The following ZNF609 variants were observed in gnomAD, a reference collection of about 807,000 sequenced individuals.
ZNF609 encodes the protein zinc finger protein 609.
A neutral mutation model predicts 109.5 loss-of-function variants in ZNF609; 11 were observed. The ratio of observed to expected loss-of-function variants is 0.10; its 90% confidence interval spans 0.06 to 0.17. The LOEUF (loss-of-function observed/expected upper bound fraction) is 0.17. Ranked by LOEUF, ZNF609 falls within the 10% of genes least tolerant of loss-of-function variation. The pLI is 1.00. For missense variants in ZNF609, 1,559 were observed against 1,772.4 expected, an observed-to-expected ratio of 0.88 and a Z score of 2.16; for synonymous variants, 646 against 662.0, an observed-to-expected ratio of 0.98 and a Z score of 0.37.
chr15:64,646,142 A>G (rs1896330017), intron 3 of ZNF609, among the ~76,000 whole-genome samples: 1 of 152,216 alleles, frequency 6.6e-6, no homozygotes, highest in Non-Finnish European at 1.5e-5. Flanking sequence ...GTGTCCATCA[A>G]CAGATGAATG....
chr15:64,484,721 A>T (rs1893307271), intron 1 of ZNF609, among the ~76,000 whole-genome samples: 1 of 149,476 alleles, frequency 6.7e-6, no homozygotes, highest in African/African-American at 2.5e-5. Flanking sequence ...TATGCCTGTA[A>T]TCCCAGCACT....
intron 2 of ZNF609, among the ~76,000 whole-genome samples, chr15:64,608,514 A>T (rs960067103): frequency 7.2e-5 from 11 of 152,000 alleles, no homozygotes; most frequent in Admixed American, 5.2e-4. Context: ...GTTTTGTCCC[A>T]TGTATAAGTT....
rs1567048375 is a variant in ZNF609 at position 64,685,165 on chromosome 15, T to TA, written c.*3479_*3480insA. ...GTACATTACCAAGTTCCTTGTTTTT[T>TA]TATATATATATATAAATATATATAT... is the stretch of plus-strand genomic sequence containing the variant. On this transcript the variant is annotated 3_prime_UTR_variant, in exon 10 of 10. Transcript: ENST00000326648. 6.7e-6 allele frequency: 1 copy of TA among 150,300 alleles called. No individual in the cohort carries two copies. Among genetic ancestry groups the TA allele is most frequent in the Admixed American group, 6.7e-5 (1 of 14,990 alleles). The allele number at this position is 150,300 out of a possible 1,614,324, so 9.3% of individuals were successfully genotyped here.
rs751077402 is a variant in ZNF609 at position 64,674,404 on chromosome 15, C to T, written c.1550C>T (p.Ala517Val). The T allele has an allele frequency of 1.2e-6, 2 of 1,614,198 alleles. No homozygotes were observed. Among genetic ancestry groups the T allele is most frequent in the South Asian group, 2.2e-5 (2 of 91,084 alleles). The change falls in exon 5 of 10, where the codon GCT (alanine) becomes GTT (valine). Residue 517 changes from alanine (A) to valine (V), a missense_variant. By Grantham distance (64) the Ala-to-Val change is moderately conservative (BLOSUM62 0). Transcript: ENST00000326648. ...ATCAATGGACTTAAGTACCACCAAG[C>T]TCATGCCCATACAGATGATGACAGC... ...KHINGLKYHQ[A>V]HAHTDDDSKP...
chr15:64,569,344 G>C (rs1195998844), intron 2 of ZNF609, among the ~76,000 whole-genome samples: 1 of 152,042 alleles, frequency 6.6e-6, no homozygotes, highest in Non-Finnish European at 1.5e-5. Flanking sequence ...TTATTCTCAG[G>C]AACTGTAGAA....
rs1347612337 is a variant in ZNF609, at chr15:64,683,810, T to A, written c.*2124T>A. The A allele has an allele frequency of 1.3e-5, 2 of 152,256 alleles. No homozygotes were observed. Among genetic ancestry groups the A allele is most frequent in the Non-Finnish European group, 2.9e-5 (2 of 68,052 alleles). The allele number at this position is 152,256 out of a possible 1,614,324, so 9.4% of individuals were successfully genotyped here. On this transcript the variant is annotated 3_prime_UTR_variant, in exon 10 of 10. Coordinates refer to ENST00000326648, the MANE Select transcript of ZNF609 (RefSeq NM_015042.2). ...GTATCTGTGGCACTGGCCTGCAGCA[T>A]ACTCTGTATATATTGTAAAGAAACC... is the stretch of plus-strand genomic sequence containing the variant.
intron 2 of ZNF609, among the ~76,000 whole-genome samples, chr15:64,591,045 C>G (rs1252128606): frequency 6.6e-6 from 1 of 152,066 alleles, no homozygotes; most frequent in Non-Finnish European, 1.5e-5. Flanking sequence ...TATCGAAAAG[C>G]CTTAAAGGCC....
intron 1 of ZNF609, among the ~76,000 whole-genome samples, chr15:64,488,924 AAGAAAG>A (rs1893370499): frequency 1.9e-4 from 17 of 87,670 alleles, no homozygotes; most frequent in Non-Finnish European, 2.5e-4. Flanking sequence ...AAAAGAAAGA[AAGAAAG>A]AAAGAAAGAA....
intron 2 of ZNF609, among the ~76,000 whole-genome samples, chr15:64,599,293 GT>G (rs900530046): frequency 1.4e-5 from 2 of 141,414 alleles, no homozygotes; most frequent in East Asian, 4.2e-4. Flanking sequence ...AACCAAACCT[GT>G]TTTTTTTCTT....
At position 64,559,511 on chromosome 15, in the gene ZNF609, G is replaced by A. The variant is rs1894644738; in HGVS notation, c.747+59345G>A. ...AACACTAGAAAAGCCTTTGCGTGAG[G>A]TATTCCCAATTCTAACATTTATTTA... On this transcript the variant is annotated intron_variant, in intron 2 of 9. Coordinates refer to ENST00000326648, the MANE Select transcript of ZNF609 (RefSeq NM_015042.2). 2.0e-5 allele frequency among the ~76,000 whole-genome samples: 3 copies of A among 152,156 alleles called. No individual in the cohort carries two copies. In the South Asian group the frequency reaches 6.2e-4, roughly 32 times the overall value.
Position 64,675,823 on chromosome 15 carries a change from A to T in ZNF609, c.2969A>T (p.Tyr990Phe). 6.2e-7 allele frequency: 1 copy of T among 1,614,184 alleles called. No homozygotes were observed. Among genetic ancestry groups the T allele is most frequent in the Non-Finnish European group, 8.5e-7 (1 of 1,180,034 alleles). ...VPPYGYSDQSYHTHLLSTNTA... is the reference protein window; with the variant it reads ...VPPYGYSDQSFHTHLLSTNTA... ...CCCTATGGCTACAGCGACCAGAGTT[A>T]CCACACCCACCTTCTGAGCACTAAC... The change falls in exon 5 of 10, where the codon TAC becomes TTC. Residue 990 changes from tyrosine (Y) to phenylalanine (F), a missense_variant. Around this residue, in one of 4 missense-constraint regions of ZNF609, gnomAD observed 1,204 missense variants for 1,314.1 expected, o/e 0.92. Coordinates refer to ENST00000326648, the MANE Select transcript of ZNF609 (RefSeq NM_015042.2).
rs1175654416 is a variant in ZNF609, at chr15:64,608,714, T to C, written c.748-14113T>C. ...ATTTCAAAATTGTTATATGTGTGTA[T>C]GCATGCATGCGTGTGTGTGTGTGTG... On this transcript the variant is annotated intron_variant, in intron 2 of 9. Coordinates refer to ENST00000326648, the MANE Select transcript of ZNF609 (RefSeq NM_015042.2). Among the ~76,000 whole-genome samples, 9 of 123,914 alleles carry C rather than the reference T, an allele frequency of 7.3e-5. No homozygotes were observed. In the Admixed American group the frequency reaches 8.0e-4, roughly 11 times the overall value. The allele number at this position is 123,914 out of a possible 152,430, so 81.3% of individuals were successfully genotyped here. A position where few individuals can be genotyped will look rare whatever the true frequency, so the allele number is the denominator to read the frequency against.
chr15:64,506,801 T>G (rs565888145), intron 2 of ZNF609, among the ~76,000 whole-genome samples: 1 of 152,088 alleles, frequency 6.6e-6, no homozygotes, highest in South Asian at 2.1e-4. Flanking sequence ...TAGGAAGCAT[T>G]CAATAAATAT....
intron 2 of ZNF609, among the ~76,000 whole-genome samples, chr15:64,583,498 A>T (rs1895146439): frequency 6.6e-6 from 1 of 152,124 alleles, no homozygotes; most frequent in Non-Finnish European, 1.5e-5. Flanking sequence ...ATGAGGGACC[A>T]TCCACCTTCC....
chr15:64,520,469 G>A (rs544630204), intron 2 of ZNF609, among the ~76,000 whole-genome samples: 2 of 152,168 alleles, frequency 1.3e-5, no homozygotes, highest in Non-Finnish European at 2.9e-5. Context: ...TATGATATAT[G>A]TAGTTTTCTG....
intron 2 of ZNF609, among the ~76,000 whole-genome samples, chr15:64,543,108 A>G (rs935862263): frequency 6.6e-6 from 1 of 152,132 alleles, no homozygotes; most frequent in Admixed American, 6.6e-5. Context: ...GTGTATACCT[A>G]TGTAACAAAC....
At chr15:64,607,812 TTTTCTTCTTTC>T (rs1160665199) in intron 2 of ZNF609, among the ~76,000 whole-genome samples, 1 of 143,426 alleles carries the variant, frequency 7.0e-6, no homozygotes, top group Non-Finnish European at 1.5e-5. Flanking sequence ...GCCTTAAATG[TTTTCTTCTTTC>T]TTTCTTTCTT....
At chr15:64,507,303 C>A (rs1893651529) in intron 2 of ZNF609, among the ~76,000 whole-genome samples, 1 of 152,118 alleles carries the variant, frequency 6.6e-6, no homozygotes, top group Non-Finnish European at 1.5e-5. Context: ...TGTATTTTTG[C>A]CATTTGGGTA....
intron 1 of ZNF609, 54 bp from the exon 2 acceptor site, chr15:64,499,239 C>T (rs995345641): frequency 8.6e-6 from 6 of 696,492 alleles, no homozygotes; most frequent in African/African-American, 3.6e-5. Flanking sequence ...TTATTTCAGG[C>T]GTCTCTTGCC....
Sources: allele counts gnomAD v4.1 joint callset (sites outside exome capture counted in the v4.1 genomes callset), GRCh38; gene constraint gnomAD v4.1.1; regional missense constraint gnomAD v4.1.1; transcripts MANE v1.5; gene names NCBI Gene and HGNC (gene_info 2026-07-23, HGNC 2026-07-21).